Variants in TESMIN observed in about 807,000 individuals in gnomAD.
TESMIN encodes testis expressed metallothionein like protein, also known as CXC domain containing 2.
A neutral mutation model predicts 47.4 loss-of-function variants in TESMIN; 34 were observed. The observed-to-expected ratio is 0.72, with a 90% CI of 0.55 to 0.96. The LOEUF is 0.96. TESMIN is among the 40% of genes least tolerant of loss of function. TESMIN has a pLI of 0.00. For synonymous variants in TESMIN, 278 were observed against 258.9 expected (o/e 1.07, Z -0.71); for missense variants, 610 against 637.2 (o/e 0.96, Z 0.46).
chr11:68,729,188 C>A (rs1010980067), intron 6 of TESMIN, among the ~76,000 whole-genome samples: 1 of 152,200 alleles, frequency 6.6e-6, no homozygotes, highest in Non-Finnish European at 1.5e-5. Context: ...ATTCATGATT[C>A]ATGGGAGGAA....
At chr11:68,741,054 C>T (rs1213576889) in intron 5 of TESMIN, among the ~76,000 whole-genome samples, 1 of 152,192 alleles carries the variant, frequency 6.6e-6, no homozygotes, top group Admixed American at 6.5e-5. Context: ...TTGACTCAAC[C>T]TTCAAAGTAT....
At chr11:68,709,498 T>A (rs2153990516) in intron 9 of TESMIN, among the ~76,000 whole-genome samples, 1 of 152,340 alleles carries the variant, frequency 6.6e-6, no homozygotes, top group African/African-American at 2.4e-5. Flanking sequence ...TTGAACCGCA[T>A]CACATAGCGC....
At position 68,750,366 on chromosome 11, in the gene TESMIN, C is replaced by A. The variant is rs1265189059; in HGVS notation, c.295G>T (p.Gly99Trp). The change falls in exon 2 of 10, where the codon GGG becomes TGG. Residue 99 changes from glycine (G) to tryptophan (W), a missense_variant. By Grantham distance (184) the Gly-to-Trp change is radical. Transcript: ENST00000255087. ...DGGELLGEYP[G>W]IPELSALEDV... ...TCCAGCGCGCTGAGCTCTGGGATCCCGGGGTACTCCCCGAGGAGCTCCCCG... is the reference window on the plus strand; with the variant it reads ...TCCAGCGCGCTGAGCTCTGGGATCCAGGGGTACTCCCCGAGGAGCTCCCCG... 5 of 1,510,440 alleles carry A rather than the reference C, an allele frequency of 3.3e-6. No individual in the cohort carries two copies. The highest frequency in any genetic ancestry group is 5.0e-5 in the East Asian group (2 of 40,290). The allele number at this position is 1,510,440 out of a possible 1,614,324, so 93.6% of individuals were successfully genotyped here.
chr11:68,749,495 C>T (rs1249841088), intron 2 of TESMIN, among the ~76,000 whole-genome samples: 1 of 152,224 alleles, frequency 6.6e-6, no homozygotes, highest in Non-Finnish European at 1.5e-5. Context: ...AACACATTTT[C>T]CTGGGACCCT....
intron 4 of TESMIN, among the ~76,000 whole-genome samples, chr11:68,743,650 T>C (rs1397367681): frequency 2.6e-5 from 4 of 152,214 alleles, no homozygotes; most frequent in Non-Finnish European, 5.9e-5. Flanking sequence ...GTACTGGAAC[T>C]GATAGGTACT....
Position 68,747,189 on chromosome 11 carries a change from T to C in TESMIN, c.630+19A>G. On this transcript the variant is annotated intron_variant, in intron 3 of 9. Transcript: ENST00000255087. ...TTTAGTATAATGTTAGTCCTACACA[T>C]CTTCTTTAGCATAATTACCATTGGG... is the stretch of plus-strand genomic sequence containing the variant. 1 of 1,611,048 alleles carries C rather than the reference T, an allele frequency of 6.2e-7. No individual in the cohort carries two copies. Among genetic ancestry groups the C allele is most frequent in the Non-Finnish European group, 8.5e-7 (1 of 1,177,242 alleles).
intron 6 of TESMIN, chr11:68,738,313 C>T: frequency 9.9e-7 from 1 of 1,010,588 alleles, no homozygotes; most frequent in Non-Finnish European, 1.2e-6. Flanking sequence ...TCTGCAGCCC[C>T]CCGTTCATGC....
intron 2 of TESMIN, among the ~76,000 whole-genome samples, chr11:68,747,785 T>C (rs1026994907): frequency 1.1e-4 from 17 of 152,162 alleles, no homozygotes; most frequent in Non-Finnish European, 2.2e-4. Context: ...AAACATGAAA[T>C]GGTGGAGAGT....
In TESMIN at chr11:68,738,800, C is replaced by A; in HGVS notation, c.829-12G>T. The A allele has an allele frequency of 6.2e-7, 1 of 1,601,968 alleles. No individual in the cohort carries two copies. Among genetic ancestry groups the A allele is most frequent in the South Asian group, 1.1e-5 (1 of 90,678 alleles). On this transcript the variant is annotated splice_polypyrimidine_tract_variant and intron_variant, in intron 5 of 9. Coordinates refer to ENST00000255087, the MANE Select transcript of TESMIN (RefSeq NM_004923.3). ...AAGGCTCCCTCAAGCTGTTCAAAGT[C>A]AAAGGCAAGGATATTTTGAATTAGC...
rs185256936 is a variant in TESMIN at position 68,731,932 on chromosome 11, A to T, written c.917+6768T>A. On this transcript the variant is annotated intron_variant, in intron 6 of 9. Transcript: ENST00000255087. The stretch of plus-strand genomic sequence containing the variant: ...TGCATGATCAGAATGCCATGCGTCA[A>T]TTCATGATGGAAATAACATCCTTTT... 3.4e-4 allele frequency among the ~76,000 whole-genome samples: 52 copies of T among 152,354 alleles called. No homozygotes were observed. The East Asian group carries it at 9.3e-3, about 27-fold the overall frequency.
chr11:68,746,264 G>A (rs1351555635), intron 3 of TESMIN, among the ~76,000 whole-genome samples: 1 of 152,182 alleles, frequency 6.6e-6, no homozygotes, highest in Non-Finnish European at 1.5e-5. Flanking sequence ...CCACATGGGA[G>A]CCTTGGCTCT....
chr11:68,709,123 T>A (rs1269628280), intron 9 of TESMIN, among the ~76,000 whole-genome samples: 1 of 151,200 alleles, frequency 6.6e-6, no homozygotes, highest in Non-Finnish European at 1.5e-5. Context: ...TTTAGAAGAA[T>A]AACACAGAGG....
chr11:68,740,596 G>A (rs530427670), intron 5 of TESMIN, among the ~76,000 whole-genome samples: 1 of 152,270 alleles, frequency 6.6e-6, no homozygotes, highest in South Asian at 2.1e-4. Context: ...ATTCTATGAG[G>A]TTCCAACACA....
rs574937423 is a variant in TESMIN at position 68,750,466 on chromosome 11, G to T, written c.195C>A (p.His65Gln). The change falls in exon 2 of 10, where the codon CAC becomes CAA. Residue 65 changes from histidine to glutamine, a missense_variant. His to Gln is a conservative substitution (Grantham distance 24, BLOSUM62 0). Transcript: ENST00000255087. Reference protein sequence around the residue: ...GPADPKEPVLHAFNPALGADC... With the variant: ...GPADPKEPVLQAFNPALGADC... ...CGGCGCCCAGCGCGGGGTTGAACGC[G>T]TGCAGGACGGGTTCCTTGGGGTCCG... 1 of 1,598,720 alleles carries T rather than the reference G, an allele frequency of 6.3e-7. No homozygotes were observed. The highest frequency in any genetic ancestry group is 8.5e-7 in the Non-Finnish European group (1 of 1,172,988).
Position 68,750,355 on chromosome 11 carries a change from C to T in TESMIN, c.306G>A (p.Glu102=), listed in dbSNP as rs1294658948. Residue 102 remains glutamate (E), a synonymous_variant, in exon 2 of 10, where the codon GAG becomes GAA. Transcript: ENST00000255087. ...ELLGEYPGIP[E]LSALEDVALL... is the part of the protein sequence containing the mutation. ...GCGCGACGTCCTCCAGCGCGCTGAG[C>T]TCTGGGATCCCGGGGTACTCCCCGA... 6.6e-7 allele frequency: 1 copy of T among 1,510,012 alleles called. No homozygotes were observed. The highest frequency in any genetic ancestry group is 8.9e-7 in the Non-Finnish European group (1 of 1,128,136). 93.5% of individuals were successfully genotyped at this position (1,510,012 alleles called of 1,614,324 possible).
In TESMIN at chr11:68,708,482, G is replaced by C. The variant is rs778326163; in HGVS notation, c.1353C>G (p.Ile451Met). The C allele has an allele frequency of 6.2e-7, 1 of 1,608,928 alleles. No homozygotes were observed. Among genetic ancestry groups the C allele is most frequent in the Admixed American group, 1.7e-5 (1 of 58,850 alleles). ...ATGTGGCCTCCACCACCTCCCAGGAGATGCATGAGGAAGGCCGCCTGTCAG... is the reference window on the plus strand; with the variant it reads ...ATGTGGCCTCCACCACCTCCCAGGACATGCATGAGGAAGGCCGCCTGTCAG... ...FSHDRRPSSCISWEVVEATCA... is the reference protein window; with the variant it reads ...FSHDRRPSSCMSWEVVEATCA... The change falls in exon 10 of 10, where the codon ATC (isoleucine) becomes ATG (methionine). Residue 451 changes from isoleucine to methionine, a missense_variant. Ile to Met is a conservative substitution (Grantham distance 10). Transcript: ENST00000255087.
At chr11:68,704,967 C>T (rs777819772), downstream of TESMIN, among the ~76,000 whole-genome samples, 1 of 152,142 alleles carries the variant, frequency 6.6e-6, no homozygotes, top group Non-Finnish European at 1.5e-5. Flanking sequence ...TGGGGCCGGG[C>T]AGTGCTCCCT....
chr11:68,711,272 T>A (rs1251248471), intron 8 of TESMIN, among the ~76,000 whole-genome samples: 1 of 149,358 alleles, frequency 6.7e-6, no homozygotes, highest in Non-Finnish European at 1.5e-5. Context: ...AGTGTGAATG[T>A]GTAAGAGTGT....
chr11:68,745,252 T>A lies in TESMIN; in HGVS notation c.631-141A>T, dbSNP rs148917619. 1,117 of 739,984 alleles carry A rather than the reference T, an allele frequency of 1.5e-3. 13 individuals are homozygous for A. In the African/African-American group the frequency reaches 0.019, roughly 12 times the overall value. The allele number at this position is 739,984 out of a possible 1,614,324, so 45.8% of individuals were successfully genotyped here. On this transcript the variant is annotated intron_variant, in intron 3 of 9. Transcript: ENST00000255087. ...GAAGATAGAAAACTATAGATCTGTTTTCGATTTCTTACTCTACACTAACAT... is the reference window on the plus strand; with the variant it reads ...GAAGATAGAAAACTATAGATCTGTTATCGATTTCTTACTCTACACTAACAT...
Sources: allele counts gnomAD v4.1 joint callset (sites outside exome capture counted in the v4.1 genomes callset), GRCh38; gene constraint gnomAD v4.1.1; transcripts MANE v1.5; gene names NCBI Gene and HGNC (gene_info 2026-07-23, HGNC 2026-07-21).